The following PIR variants were observed in gnomAD, a reference collection of about 807,000 sequenced individuals.
PIR encodes the protein pirin (iron-binding nuclear protein).
A neutral mutation model predicts 24.2 loss-of-function variants in PIR; 22 were observed. That is an observed-to-expected ratio of 0.91 (90% CI 0.65 to 1.30). PIR has a LOEUF of 1.30. Among genes scored for constraint, PIR ranks in the 50% most tolerant of loss-of-function variants. The probability of loss-of-function intolerance (pLI) is 0.00; values close to 1 mark genes in which losing one functional copy is unlikely to be tolerated. For synonymous variants in PIR, 80 were observed against 79.6 expected, an observed-to-expected ratio of 1.00 and a Z score of -0.03; for missense variants, 220 against 220.3, an observed-to-expected ratio of 1.00 and a Z score of 0.01.
At chrX:15,435,877 A>G (rs980078566) in intron 5 of PIR, among the ~76,000 whole-genome samples, 1 of 112,678 alleles carries the variant, frequency 8.9e-6, no homozygotes. Context: ...ATGCTCTTCA[A>G]CAAAATGATG....
chrX:15,479,863 A>T, intron 2 of PIR, 42 bp from the exon 3 acceptor site: 1 of 726,463 alleles, frequency 1.4e-6, no homozygotes, highest in Non-Finnish European at 2.1e-6. Flanking sequence ...ATGTCTTTTA[A>T]GCCATACTAC....
In PIR at chrX:15,456,105, T is replaced by C. The variant is rs555694352; in HGVS notation, c.274-51A>G. 7.9e-4 allele frequency: 801 copies of C among 1,020,246 alleles called. 2 individuals carry two copies. In the South Asian group the frequency reaches 0.011, roughly 14 times the overall value. The allele number at this position is 1,020,246 out of a possible 1,213,427, so 84.1% of individuals were successfully genotyped here. ...GAAATGTAACCAAGCTCCTAATAAGTCTATAGGTGGAACAATTACAACACC... is the reference window on the plus strand; with the variant it reads ...GAAATGTAACCAAGCTCCTAATAAGCCTATAGGTGGAACAATTACAACACC... On this transcript the variant is annotated intron_variant, in intron 4 of 9. Coordinates refer to ENST00000380420, the MANE Select transcript of PIR (RefSeq NM_001018109.3).
chrX:15,471,800 T>C (rs1208267957), intron 3 of PIR, among the ~76,000 whole-genome samples: 5 of 112,122 alleles, frequency 4.5e-5, no homozygotes, highest in African/African-American at 1.6e-4. Flanking sequence ...ATTTTCTAAC[T>C]TTCATGCAAT....
intron 7 of PIR, among the ~76,000 whole-genome samples, chrX:15,403,850 G>T (rs1924465973): frequency 9.0e-6 from 1 of 111,533 alleles, no homozygotes; most frequent in Non-Finnish European, 1.9e-5. Flanking sequence ...AAGAAAATGA[G>T]AATTCTACTA....
chrX:15,473,518 T>A (rs369795784), intron 3 of PIR, among the ~76,000 whole-genome samples: 1 of 112,274 alleles, frequency 8.9e-6, no homozygotes, highest in East Asian at 2.7e-4. Context: ...ATATAATTAT[T>A]CCTCTACTAT....
intron 5 of PIR, among the ~76,000 whole-genome samples, chrX:15,441,605 C>A (rs922352924): frequency 4.5e-5 from 5 of 111,375 alleles, no homozygotes; most frequent in Non-Finnish European, 9.4e-5. Flanking sequence ...AGCCTCCAGA[C>A]CCCTCCCTAA....
chrX:15,484,711 G>C (rs1327919692), intron 2 of PIR, among the ~76,000 whole-genome samples: 1 of 111,707 alleles, frequency 9.0e-6, no homozygotes, highest in African/African-American at 3.3e-5. Context: ...ACAGAAACAT[G>C]TTATTGAAAA....
chrX:15,423,344 G>A (rs1418970902), intron 6 of PIR, among the ~76,000 whole-genome samples: 7 of 112,258 alleles, frequency 6.2e-5, no homozygotes, highest in Non-Finnish European at 1.3e-4. Context: ...GGCTGGGTGC[G>A]GTGGCTCACG....
At chrX:15,416,000 A>G (rs1208377739) in intron 6 of PIR, among the ~76,000 whole-genome samples, 1 of 111,296 alleles carries the variant, frequency 9.0e-6, no homozygotes, top group African/African-American at 3.3e-5. Flanking sequence ...AGCAGGAAAG[A>G]CATTTGCAAC....
intron 4 of PIR, among the ~76,000 whole-genome samples, chrX:15,458,620 G>A (rs770802460): frequency 8.9e-6 from 1 of 112,287 alleles, no homozygotes; most frequent in African/African-American, 3.2e-5. Context: ...GCCTGAGCAA[G>A]AGAGTGAGGC....
chrX:15,387,375 G>A lies in PIR; in HGVS notation c.761-2259C>T, dbSNP rs182363296. The stretch of plus-strand genomic sequence containing the variant: ...ACCTCCCAAAGTGCTGGGATTACAG[G>A]CATGAGCCACCGCGCCCGGCCCAGT... On this transcript the variant is annotated intron_variant, in intron 9 of 9. Transcript: ENST00000380420. Among the ~76,000 whole-genome samples, 452 of 109,791 alleles carry A rather than the reference G, an allele frequency of 4.1e-3. 3 individuals carry two copies. Among genetic ancestry groups the A allele is most frequent in the African/African-American group, 0.014 (431 of 30,138 alleles).
At chrX:15,434,301 T>C (rs754755370) in intron 5 of PIR, among the ~76,000 whole-genome samples, 1 of 57,217 alleles carries the variant, frequency 1.7e-5, no homozygotes, top group African/African-American at 7.3e-5. Flanking sequence ...AAGAAGGAGA[T>C]AGAAGGAGAA....
At position 15,394,376 on chromosome X, in the gene PIR, T is replaced by C. The variant is rs574988490; in HGVS notation, c.693+3073A>G. Among the ~76,000 whole-genome samples, 49 of 112,393 alleles carry C rather than the reference T, an allele frequency of 4.4e-4. 2 individuals carry two copies. In the South Asian group the frequency reaches 0.016, roughly 37 times the overall value. The stretch of plus-strand genomic sequence containing the variant: ...TCTTTCAATGTTTATTTTAATCAAA[T>C]GCTATATATAGTCAAATGTTAATCT... On this transcript the variant is annotated intron_variant, in intron 8 of 9. Coordinates refer to ENST00000380420, the MANE Select transcript of PIR (RefSeq NM_001018109.3).
chrX:15,484,654 T>C (rs1218167626), intron 2 of PIR, among the ~76,000 whole-genome samples: 1 of 111,367 alleles, frequency 9.0e-6, no homozygotes, highest in Non-Finnish European at 1.9e-5. Context: ...CCTGAACAGA[T>C]TGTTGTAGAA....
At chrX:15,435,645 G>A (rs1332569321) in intron 5 of PIR, among the ~76,000 whole-genome samples, 3 of 111,263 alleles carry the variant, frequency 2.7e-5, no homozygotes, top group Non-Finnish European at 3.8e-5. Flanking sequence ...TCCCACTCTC[G>A]TGATCTGTTG....
At chrX:15,412,867 C>T (rs1404614874) in intron 6 of PIR, among the ~76,000 whole-genome samples, 2 of 112,041 alleles carry the variant, frequency 1.8e-5, no homozygotes, top group Middle Eastern at 4.2e-3. Flanking sequence ...CACACCATTA[C>T]AGGCAGAAAG....
chrX:15,480,058 A>C (rs1922418530), intron 2 of PIR, among the ~76,000 whole-genome samples: 1 of 111,558 alleles, frequency 9.0e-6, no homozygotes, highest in Non-Finnish European at 1.9e-5. Flanking sequence ...TGTGGGAGCA[A>C]CTCAGTGGGA....
intron 3 of PIR, among the ~76,000 whole-genome samples, chrX:15,466,114 A>G (rs1478003424): frequency 9.5e-6 from 1 of 105,296 alleles, no homozygotes; most frequent in Non-Finnish European, 1.9e-5. Context: ...CCAGCAAGGA[A>G]CATATTGCAT....
chrX:15,444,380 T>TA (rs1926018799), intron 5 of PIR, among the ~76,000 whole-genome samples: 1 of 112,607 alleles, frequency 8.9e-6, no homozygotes. Flanking sequence ...TGCTATTGCA[T>TA]ACTTAACAGA....
Sources: gnomAD v4.1 joint callset for allele counts (sites outside exome capture counted in the v4.1 genomes callset) on GRCh38, gnomAD v4.1.1 for gene constraint, MANE v1.5 for transcripts, NCBI Gene and HGNC (gene_info 2026-07-23, HGNC 2026-07-21) for gene names.